The following UNC13C variants were observed in gnomAD, a reference collection of about 807,000 sequenced individuals.
UNC13C encodes protein unc-13 homolog C.
In UNC13C, 174 loss-of-function variants were observed where a neutral mutation model predicts 245.4. That is an observed-to-expected ratio of 0.71 (90% confidence interval 0.63 to 0.80). The LOEUF is 0.80. Ranked by LOEUF, UNC13C falls within the 30% of genes least tolerant of loss-of-function variation. The pLI, the probability that UNC13C is intolerant of heterozygous loss-of-function variation, is 0.00. For synonymous variants in UNC13C, 992 were observed against 895.1 expected (o/e 1.11, Z -1.93); for missense variants, 2,829 against 2,602.9 (o/e 1.09, Z -1.89).
intron 19 of UNC13C, among the ~76,000 whole-genome samples, chr15:54,482,097 C>T (rs1893153151): frequency 1.3e-5 from 2 of 152,086 alleles, no homozygotes; most frequent in African/African-American, 4.8e-5. Flanking sequence ...CTCTGGTGTG[C>T]TTTACCACAT....
At chr15:54,456,147 A>C (rs1265450014) in intron 19 of UNC13C, among the ~76,000 whole-genome samples, 1 of 151,962 alleles carries the variant, frequency 6.6e-6, no homozygotes, top group Non-Finnish European at 1.5e-5. Flanking sequence ...TTTGCCGAGC[A>C]TCAGTTGGCT....
chr15:54,117,693 G>T (rs918960269), intron 2 of UNC13C, among the ~76,000 whole-genome samples: 3 of 152,004 alleles, frequency 2.0e-5, no homozygotes, highest in Non-Finnish European at 2.9e-5. Flanking sequence ...TGAGTCTCCT[G>T]CCTCTGCCTC....
intron 11 of UNC13C, among the ~76,000 whole-genome samples, chr15:54,297,520 T>G (rs28523822): frequency 0.15 from 21,906 of 144,884 alleles, 1,796 homozygotes; most frequent in African/African-American, 0.23. Context: ...ACCTGCCTAA[T>G]TAAAAAAAAA....
chr15:54,264,094 C>G, intron 8 of UNC13C, 74 bp from the exon 9 acceptor site: 5 of 1,448,428 alleles, frequency 3.5e-6, no homozygotes, highest in Non-Finnish European at 4.7e-6. Flanking sequence ...CTTCCTCCTC[C>G]TTTTCCTCCC....
At chr15:54,444,448 G>C (rs1890696092) in intron 19 of UNC13C, among the ~76,000 whole-genome samples, 1 of 151,740 alleles carries the variant, frequency 6.6e-6, no homozygotes, top group Admixed American at 6.6e-5. Flanking sequence ...TTGTAGGCAT[G>C]ATATAACTGT....
At chr15:54,293,821 A>C (rs1202117909) in intron 10 of UNC13C, 74 bp from the exon 11 acceptor site, 1 of 1,260,854 alleles carries the variant, frequency 7.9e-7, no homozygotes, top group East Asian at 2.8e-5. Context: ...AATAGATAGA[A>C]AATAAAGTAC....
chr15:54,550,863 T>C (rs1896703949), intron 28 of UNC13C, among the ~76,000 whole-genome samples: 1 of 152,190 alleles, frequency 6.6e-6, no homozygotes, highest in African/African-American at 2.4e-5. Flanking sequence ...TGCGGAAGTT[T>C]CTCACATAAA....
intron 30 of UNC13C, among the ~76,000 whole-genome samples, chr15:54,621,661 T>C (rs557206434): frequency 2.9e-4 from 44 of 152,272 alleles, no homozygotes; most frequent in African/African-American, 1.0e-3. Flanking sequence ...GTTATCCTCA[T>C]TTCACAAATA....
At chr15:54,423,267 A>G (rs1024763698) in intron 19 of UNC13C, among the ~76,000 whole-genome samples, 1 of 151,778 alleles carries the variant, frequency 6.6e-6, no homozygotes, top group Non-Finnish European at 1.5e-5. Context: ...TAGAGTATGA[A>G]ACTTTGTAAT....
chr15:54,152,027 G>A (rs569141587), intron 4 of UNC13C, among the ~76,000 whole-genome samples: 131 of 152,298 alleles, frequency 8.6e-4, no homozygotes, highest in African/African-American at 3.0e-3. Context: ...CAAAGGACTA[G>A]CATTTGGTAA....
chr15:54,031,905 T>G (rs1006896858), intron 2 of UNC13C, among the ~76,000 whole-genome samples: 6 of 152,234 alleles, frequency 3.9e-5, no homozygotes, highest in African/African-American at 9.6e-5. Flanking sequence ...TCATGAACTT[T>G]ATCATACATT....
At chr15:54,052,032 A>C (rs995400182) in intron 2 of UNC13C, among the ~76,000 whole-genome samples, 2 of 121,224 alleles carry the variant, frequency 1.6e-5, no homozygotes, top group African/African-American at 3.2e-5. Context: ...TGTTCTTGCG[A>C]TAGTTTACTG....
chr15:54,184,658 A>G (rs1448258284), intron 4 of UNC13C, among the ~76,000 whole-genome samples: 6 of 152,316 alleles, frequency 3.9e-5, no homozygotes, highest in Non-Finnish European at 5.9e-5. Flanking sequence ...TTCTTAATCC[A>G]GTCCATCATC....
chr15:54,185,464 A>G (rs28785776), intron 4 of UNC13C, among the ~76,000 whole-genome samples: 42,619 of 143,832 alleles, frequency 0.3, 7,347 homozygotes, highest in East Asian at 0.44. Flanking sequence ...GTAAGGAAGG[A>G]ATCGAGTTTC....
At chr15:54,428,685 T>G (rs2040807223) in intron 19 of UNC13C, among the ~76,000 whole-genome samples, 1 of 151,538 alleles carries the variant, frequency 6.6e-6, no homozygotes, top group Admixed American at 6.6e-5. Flanking sequence ...TAACACGTGT[T>G]GCATGAGTAA....
the UNC13C span, among the ~76,000 whole-genome samples, chr15:53,943,283 A>T: frequency 9.8e-5 from 15 of 152,300 alleles, no homozygotes; most frequent in African/African-American, 3.6e-4. Context: ...ATTTATCCAT[A>T]CTTAAGACAA....
In UNC13C at chr15:54,338,501, T is replaced by C. The variant is rs1357584881; in HGVS notation, c.4713+12T>C. On this transcript the variant is annotated intron_variant, in intron 17 of 32. Transcript: ENST00000260323. The stretch of plus-strand genomic sequence containing the variant: ...AGCTAACAGACCCGGTAAGAAAATA[T>C]GTATGTCTTTTATAATCGCCACTTT... The C allele has an allele frequency of 6.2e-7, 1 of 1,611,420 alleles. No individual in the cohort carries two copies. Among genetic ancestry groups the C allele is most frequent in the South Asian group, 1.1e-5 (1 of 90,832 alleles).
At chr15:54,569,507 G>A (rs573248278) in intron 30 of UNC13C, among the ~76,000 whole-genome samples, 53 of 152,088 alleles carry the variant, frequency 3.5e-4, no homozygotes, top group African/African-American at 9.4e-4. Flanking sequence ...TTTTCCATCC[G>A]CAGTTGGTTG....
chr15:54,130,433 C>T (rs1217523593), intron 2 of UNC13C, among the ~76,000 whole-genome samples: 3 of 151,700 alleles, frequency 2.0e-5, no homozygotes, highest in African/African-American at 4.8e-5. Context: ...GCTGGGACTA[C>T]AGGCGCCTGC....
Sources: gnomAD v4.1 joint callset for allele counts (sites outside exome capture counted in the v4.1 genomes callset) on GRCh38, gnomAD v4.1.1 for gene constraint, MANE v1.5 for transcripts, NCBI Gene and HGNC (gene_info 2026-07-23, HGNC 2026-07-21) for gene names.